DSC2: variants seen among roughly 807,000 people sequenced by gnomAD.
DSC2 encodes the protein desmocollin 2, also known as desmocollin-2.
In DSC2, 51 loss-of-function variants were observed where a neutral mutation model predicts 87.6. The ratio of observed to expected loss-of-function variants is 0.58; its 90% confidence interval spans 0.46 to 0.74. The LOEUF is 0.74. Ranked by LOEUF, DSC2 falls within the 30% of genes least tolerant of loss-of-function variation. The pLI is 0.00. For missense variants in DSC2, 1,066 were observed against 1,089.5 expected (o/e 0.98, Z 0.30); for synonymous variants, 383 against 393.2 (o/e 0.97, Z 0.31).
chr18:31,086,714 A>G lies in DSC2; in HGVS notation c.804T>C (p.Thr268=). Residue 268 remains threonine (T), a synonymous_variant, in exon 7 of 16, where the codon ACT becomes ACC. Coordinates refer to ENST00000280904, the MANE Select transcript of DSC2 (RefSeq NM_024422.6). ...GCATCGTGTCAGGCTCATCTTTGTC[A>G]GTAGCACACACTTGTCCCACAGTAG... ...VGTTVGQVCA[T]DKDEPDTMHT... 1 of 1,614,128 alleles carries G rather than the reference A, an allele frequency of 6.2e-7. No individual in the cohort carries two copies. Among genetic ancestry groups the G allele is most frequent in the Middle Eastern group, 1.7e-4 (1 of 6,058 alleles).
chr18:31,091,755 A>G (rs1317694076), intron 3 of DSC2, among the ~76,000 whole-genome samples: 1 of 152,238 alleles, frequency 6.6e-6, no homozygotes, highest in Non-Finnish European at 1.5e-5. Context: ...AATGAATGCG[A>G]GAAAAAAGCT....
rs1273063061 is a variant in DSC2, at chr18:31,083,024, C to A, written c.979G>T (p.Asp327Tyr). Residue 327 changes from aspartate (D) to tyrosine (Y), a missense_variant, in exon 8 of 16, where the codon GAC (aspartate) becomes TAC (tyrosine). By Grantham distance (160) the Asp-to-Tyr change is radical. Transcript: ENST00000280904. ...DKYQLKIKVQ[D>Y]MDGQYFGLQT... Reference sequence around the variant, plus strand: ...AGACCAAAATACTGACCATCCATGTCTTGTACTTTTATTTTCAACTGGTAC... The same window carrying A: ...AGACCAAAATACTGACCATCCATGTATTGTACTTTTATTTTCAACTGGTAC... 1 of 1,612,860 alleles carries A rather than the reference C, an allele frequency of 6.2e-7. No homozygotes were observed. Among genetic ancestry groups the A allele is most frequent in the Non-Finnish European group, 8.5e-7 (1 of 1,179,736 alleles).
chr18:31,094,169 G>T (rs1043386346), intron 1 of DSC2, among the ~76,000 whole-genome samples: 2 of 152,150 alleles, frequency 1.3e-5, no homozygotes, highest in Non-Finnish European at 2.9e-5. Flanking sequence ...TATATACATA[G>T]GAAAGAGAAA....
chr18:31,099,436 T>C (rs1223619039), intron 1 of DSC2, among the ~76,000 whole-genome samples: 1 of 152,180 alleles, frequency 6.6e-6, no homozygotes, highest in African/African-American at 2.4e-5. Context: ...CTATATGACA[T>C]TGTGCTTATA....
Position 31,101,926 on chromosome 18 carries a change from G to C in DSC2, c.46C>G (p.Arg16Gly). 1 of 1,530,876 alleles carries C rather than the reference G, an allele frequency of 6.5e-7. No individual in the cohort carries two copies. The highest frequency in any genetic ancestry group is 1.2e-5 in the South Asian group (1 of 83,018). 94.8% of individuals were successfully genotyped at this position (1,530,876 alleles called of 1,614,324 possible). A position where few individuals can be genotyped will look rare whatever the true frequency, so the allele number is the denominator to read the frequency against. Reference sequence around the variant, plus strand: ...ACCGCGAGGGTCAGCAGGAGCAGCCGGCAGAGGGCTCCGTTCCAGGAGCCG... The same window carrying C: ...ACCGCGAGGGTCAGCAGGAGCAGCCCGCAGAGGGCTCCGTTCCAGGAGCCG... ...PSGSWNGALC[R>G]LLLLTLAILI... Residue 16 changes from arginine (R) to glycine (G), a missense_variant, in exon 1 of 16, where the codon CGG becomes GGG. Transcript: ENST00000280904.
intron 2 of DSC2, 38 bp from the exon 3 acceptor site, chr18:31,092,338 A>G: frequency 6.4e-7 from 1 of 1,567,956 alleles, no homozygotes; most frequent in Non-Finnish European, 8.8e-7. Context: ...TTTAAAGTAA[A>G]ACATAGGATA....
In DSC2 at chr18:31,074,729, A is replaced by T; in HGVS notation, c.1842T>A (p.Ser614Arg). Reference protein sequence around the residue: ...HGPPFDFSLESSTSEVQRMWR... With the variant: ...HGPPFDFSLERSTSEVQRMWR... ...ACATTCTCTGTACTTCTGAAGTAGA[A>T]CTCTCCAGACTAAAGTCAAAGGGTG... Residue 614 changes from serine (S) to arginine (R), a missense_variant, in exon 12 of 16, where the codon AGT (serine) becomes AGA (arginine). By Grantham distance (110) the Ser-to-Arg change is moderately radical (BLOSUM62 -1). Transcript: ENST00000280904. 6.2e-7 allele frequency: 1 copy of T among 1,613,942 alleles called. No homozygotes were observed. The highest frequency in any genetic ancestry group is 8.5e-7 in the Non-Finnish European group (1 of 1,179,970).
intron 5 of DSC2, 72 bp from the exon 6 acceptor site, chr18:31,087,885 TG>T (rs1987459404): frequency 1.3e-6 from 2 of 1,541,154 alleles, no homozygotes; most frequent in Non-Finnish European, 8.9e-7. Context: ...AAATTCATTT[TG>T]GCTTTAACTT....
chr18:31,080,982 T>A (rs1001217021), intron 9 of DSC2, among the ~76,000 whole-genome samples: 2 of 152,170 alleles, frequency 1.3e-5, no homozygotes, highest in Admixed American at 1.3e-4. Flanking sequence ...AAATTTAAGA[T>A]AAGTAGTATA....
At chr18:31,076,732 G>A (rs1392665710) in intron 11 of DSC2, among the ~76,000 whole-genome samples, 1 of 152,182 alleles carries the variant, frequency 6.6e-6, no homozygotes, top group Non-Finnish European at 1.5e-5. Flanking sequence ...TGGCTTTTCA[G>A]ATTGAAAGTA....
At chr18:31,079,475 G>A (rs1401015259) in intron 11 of DSC2, among the ~76,000 whole-genome samples, 10 of 152,098 alleles carry the variant, frequency 6.6e-5, no homozygotes, top group East Asian at 3.9e-4. Flanking sequence ...GGCTGGTCTC[G>A]AACTCATGAC....
In DSC2 at chr18:31,070,829, C is replaced by A. The variant is rs764008863; in HGVS notation, c.2147G>T (p.Cys716Phe). The A allele has an allele frequency of 1.2e-6, 2 of 1,613,864 alleles. No homozygotes were observed. Among genetic ancestry groups the A allele is most frequent in the Admixed American group, 3.3e-5 (2 of 60,020 alleles). ...TTGTTTAGACGTCCCAGAAGCCCCA[C>A]AGACCAGCGTAAACAGGATGCCTGG... Reference protein sequence around the residue: ...LLFCILFTLVCGASGTSKQPK... With the variant: ...LLFCILFTLVFGASGTSKQPK... Residue 716 changes from cysteine (C) to phenylalanine (F), a missense_variant, in exon 14 of 16, where the codon TGT becomes TTT. Transcript: ENST00000280904.
rs748444294 is a variant in DSC2, at chr18:31,071,610, A to G, written c.2120T>C (p.Leu707Pro). Residue 707 changes from leucine (L) to proline (P), a missense_variant, in exon 13 of 16, where the codon CTC (leucine) becomes CCC (proline). Transcript: ENST00000280904. ...ILAILLGIAL[L>P]FCILFTLVCG... ...AGAAAGGACTTAAGACTTACAAAAG[A>G]GCAATGCTATGCCCAACAATATTGC... is the stretch of plus-strand genomic sequence containing the variant. 1.2e-6 allele frequency: 2 copies of G among 1,613,134 alleles called. No individual in the cohort carries two copies. Among genetic ancestry groups the G allele is most frequent in the Non-Finnish European group, 1.7e-6 (2 of 1,179,122 alleles).
intron 1 of DSC2, among the ~76,000 whole-genome samples, chr18:31,099,178 T>G (rs1330091478): frequency 6.6e-6 from 1 of 152,200 alleles, no homozygotes; most frequent in African/African-American, 2.4e-5. Flanking sequence ...TGTTGGCAAC[T>G]GTGTGATATT....
rs1382767829 is a variant in DSC2, at chr18:31,061,471, T to G, written c.*6544A>C. On this transcript the variant is annotated 3_prime_UTR_variant, in exon 16 of 16. Transcript: ENST00000280904. ...ACATCAGTGAGTATCTCTTCTTTAA[T>G]CTCACGTATACCTAGAATTTAGGAT... 1 of 152,184 alleles carries G rather than the reference T, an allele frequency of 6.6e-6. No individual in the cohort carries two copies. Among genetic ancestry groups the G allele is most frequent in the Non-Finnish European group, 1.5e-5 (1 of 68,042 alleles). The allele number at this position is 152,184 out of a possible 1,614,324, so 9.4% of individuals were successfully genotyped here.
At chr18:31,084,970 CAATATAG>C (rs1353444584) in intron 7 of DSC2, among the ~76,000 whole-genome samples, 2 of 151,934 alleles carry the variant, frequency 1.3e-5, no homozygotes, top group African/African-American at 4.8e-5. Flanking sequence ...GACCAATGCA[CAATATAG>C]AATGATGTAC....
intron 11 of DSC2, 127 bp downstream of exon 11, chr18:31,079,720 T>G (rs926875021): frequency 1.8e-6 from 2 of 1,085,770 alleles, no homozygotes; most frequent in Non-Finnish European, 2.7e-6. Flanking sequence ...AACCTCTTAC[T>G]TTATATTATC....
chr18:31,080,039 A>G, intron 10 of DSC2, 50 bp from the exon 11 acceptor site: 1 of 1,609,994 alleles, frequency 6.2e-7, no homozygotes, highest in East Asian at 2.2e-5. Flanking sequence ...ATGCTAAATT[A>G]TAATAACGTA....
intron 11 of DSC2, among the ~76,000 whole-genome samples, chr18:31,079,249 G>C (rs563211162): frequency 1.3e-5 from 2 of 151,836 alleles, no homozygotes; most frequent in Non-Finnish European, 2.9e-5. Flanking sequence ...TTTTTGTTTT[G>C]TTTTTGTTTT....
Sources: allele counts gnomAD v4.1 joint callset (sites outside exome capture counted in the v4.1 genomes callset), GRCh38; gene constraint gnomAD v4.1.1; transcripts MANE v1.5; gene names NCBI Gene and HGNC (gene_info 2026-07-23, HGNC 2026-07-21).